Variants in CLSTN2 observed in about 807,000 individuals in gnomAD.
The protein encoded by CLSTN2 is calsyntenin 2.
In CLSTN2, 48 loss-of-function variants were observed where a neutral mutation model predicts 101.2. The ratio of observed to expected loss-of-function variants is 0.47; its 90% confidence interval spans 0.38 to 0.60. The LOEUF (loss-of-function observed/expected upper bound fraction) is 0.60, where lower values mean the gene tolerates loss of function less well. Among genes scored for constraint, CLSTN2 ranks in the 20% least tolerant of loss-of-function variants. The pLI is 0.00. For missense variants in CLSTN2, 1,160 were observed against 1,238.2 expected, an observed-to-expected ratio of 0.94 and a Z score of 0.95; for synonymous variants, 481 against 463.6, an observed-to-expected ratio of 1.04 and a Z score of -0.48.
chr3:140,495,441 T>TA (rs1467981811), intron 8 of CLSTN2, among the ~76,000 whole-genome samples: 1 of 152,244 alleles, frequency 6.6e-6, no homozygotes, highest in Admixed American at 6.5e-5. Context: ...TAGCTTCTTT[T>TA]ACTGTGCAGA....
At chr3:140,349,130 G>A (rs898688387) in intron 2 of CLSTN2, among the ~76,000 whole-genome samples, 5 of 152,214 alleles carry the variant, frequency 3.3e-5, no homozygotes, top group African/African-American at 7.2e-5. Flanking sequence ...CTTCTCCCCA[G>A]TTCCCTCTGT....
At chr3:140,076,625 GTTTT>G (rs35645750) in intron 1 of CLSTN2, among the ~76,000 whole-genome samples, 17 of 38,068 alleles carry the variant, frequency 4.5e-4, no homozygotes, top group African/African-American at 5.6e-4. Flanking sequence ...CACCAGCAGT[GTTTT>G]TTTTTTTTTT....
intron 1 of CLSTN2, among the ~76,000 whole-genome samples, chr3:140,066,131 C>G (rs964503845): frequency 3.3e-5 from 5 of 152,174 alleles, no homozygotes; most frequent in African/African-American, 1.2e-4. Flanking sequence ...ATTCTAAGAC[C>G]TTTGATATTT....
chr3:139,988,166 C>T (rs1485852602), intron 1 of CLSTN2, among the ~76,000 whole-genome samples: 2 of 152,234 alleles, frequency 1.3e-5, no homozygotes, highest in Admixed American at 1.3e-4. Flanking sequence ...TCCTTATAGC[C>T]TTGTGTTTCC....
intron 5 of CLSTN2, among the ~76,000 whole-genome samples, chr3:140,437,350 G>A (rs1559869512): frequency 6.6e-6 from 1 of 152,134 alleles, no homozygotes; most frequent in African/African-American, 2.4e-5. Context: ...GCCCAGCCAG[G>A]AGGTTCGGTT....
chr3:140,485,756 A>C (rs112458036), intron 8 of CLSTN2, among the ~76,000 whole-genome samples: 13,764 of 152,178 alleles, frequency 0.09, 1,027 homozygotes, highest in East Asian at 0.32. Context: ...CCTCCGAGCC[A>C]TGCGCAGGAT....
At chr3:140,492,251 C>A (rs976023411) in intron 8 of CLSTN2, among the ~76,000 whole-genome samples, 2 of 152,194 alleles carry the variant, frequency 1.3e-5, no homozygotes, top group Non-Finnish European at 2.9e-5. Context: ...GGTACAGCCT[C>A]TTTAGAAAAC....
chr3:140,472,599 G>A (rs1168454916), intron 8 of CLSTN2, among the ~76,000 whole-genome samples: 1 of 152,218 alleles, frequency 6.6e-6, no homozygotes, highest in Non-Finnish European at 1.5e-5. Flanking sequence ...CAATGCAGCA[G>A]GCCACTCTGC....
At chr3:139,962,028 A>G (rs1156368318) in intron 1 of CLSTN2, among the ~76,000 whole-genome samples, 1 of 152,124 alleles carries the variant, frequency 6.6e-6, no homozygotes, top group Non-Finnish European at 1.5e-5. Flanking sequence ...ACTACAATTT[A>G]TTTGAGCAGG....
At chr3:140,499,234 T>C (rs1197848752) in intron 8 of CLSTN2, among the ~76,000 whole-genome samples, 2 of 152,180 alleles carry the variant, frequency 1.3e-5, no homozygotes, top group African/African-American at 2.4e-5. Flanking sequence ...CTTACAGAGT[T>C]TGTCATCTGA....
intron 8 of CLSTN2, among the ~76,000 whole-genome samples, chr3:140,530,575 C>T (rs1217405100): frequency 6.6e-6 from 1 of 152,196 alleles, no homozygotes; most frequent in Admixed American, 6.5e-5. Context: ...TACCAAAATG[C>T]TAAGTGTTGT....
chr3:140,375,302 G>A (rs576375348), intron 2 of CLSTN2, among the ~76,000 whole-genome samples: 25 of 152,178 alleles, frequency 1.6e-4, no homozygotes, highest in Admixed American at 3.3e-4. Context: ...GATAAATGTC[G>A]TGCTTTGTGA....
At chr3:140,239,258 G>A (rs368709062) in intron 2 of CLSTN2, among the ~76,000 whole-genome samples, 2 of 152,196 alleles carry the variant, frequency 1.3e-5, no homozygotes, top group South Asian at 2.1e-4. Flanking sequence ...TGTTAGAGTT[G>A]CAGAATAGAT....
At chr3:140,082,788 T>A (rs987702008) in intron 1 of CLSTN2, among the ~76,000 whole-genome samples, 1 of 152,214 alleles carries the variant, frequency 6.6e-6, no homozygotes, top group African/African-American at 2.4e-5. Flanking sequence ...TGTGTTAGGT[T>A]CTAGGGATAT....
rs147837099 is a variant in CLSTN2, at chr3:140,357,397, T to TCAGAG, written c.233-46230_233-46226dup. ...GAATGCAGCCCCTGGGCCAACAACA[T>TCAGAG]CAGAGCCACATCCACAGACACCCCC... On this transcript the variant is annotated intron_variant, in intron 2 of 16. Coordinates refer to ENST00000458420, the MANE Select transcript of CLSTN2 (RefSeq NM_022131.3). 3.5e-3 allele frequency among the ~76,000 whole-genome samples: 532 copies of TCAGAG among 152,012 alleles called. 3 individuals are homozygous for TCAGAG. Among genetic ancestry groups the TCAGAG allele is most frequent in the African/African-American group, 0.011 (475 of 41,446 alleles).
At chr3:140,515,978 C>T (rs546983334) in intron 8 of CLSTN2, among the ~76,000 whole-genome samples, 157 of 134,024 alleles carry the variant, frequency 1.2e-3, no homozygotes, top group African/African-American at 5.0e-3. Context: ...TATCTCATTT[C>T]TTAGCTCTAG....
intron 1 of CLSTN2, among the ~76,000 whole-genome samples, chr3:140,140,114 T>C (rs2107808617): frequency 6.6e-6 from 1 of 152,326 alleles, no homozygotes; most frequent in Non-Finnish European, 1.5e-5. Context: ...AATGTGCATT[T>C]GTAGCAAGTT....
intron 2 of CLSTN2, among the ~76,000 whole-genome samples, chr3:140,189,871 G>A (rs1158143456): frequency 2.0e-5 from 3 of 152,026 alleles, no homozygotes; most frequent in Admixed American, 2.0e-4. Context: ...TGAGTTCATT[G>A]AAGCTGCCAT....
At chr3:140,291,115 G>A (rs986778917) in intron 2 of CLSTN2, among the ~76,000 whole-genome samples, 1 of 151,894 alleles carries the variant, frequency 6.6e-6, no homozygotes, top group African/African-American at 2.4e-5. Flanking sequence ...TCTTTAAAAG[G>A]GGGCTAATAT....
Sources: allele counts gnomAD v4.1 joint callset (sites outside exome capture counted in the v4.1 genomes callset), GRCh38; gene constraint gnomAD v4.1.1; transcripts MANE v1.5; gene names NCBI Gene and HGNC (gene_info 2026-07-23, HGNC 2026-07-21).